The following SPATS2 variants were observed in gnomAD, a reference collection of about 807,000 sequenced individuals.
The protein encoded by SPATS2 is spermatogenesis associated serine rich 2, also known as spermatogenesis-associated serine-rich protein 2.
A neutral mutation model predicts 63.7 loss-of-function variants in SPATS2; 38 were observed. The ratio of observed to expected loss-of-function variants is 0.60; its 90% CI spans 0.46 to 0.78. The LOEUF is 0.78. Among genes scored for constraint, SPATS2 ranks in the 30% least tolerant of loss-of-function variants. The pLI is 0.00. For synonymous variants in SPATS2, 207 were observed against 232.9 expected (o/e 0.89, Z 1.01); for missense variants, 588 against 666.2 (o/e 0.88, Z 1.29).
intron 9 of SPATS2, among the ~76,000 whole-genome samples, chr12:49,507,498 GT>G (rs1443821334): frequency 2.0e-5 from 3 of 151,982 alleles, no homozygotes; most frequent in Non-Finnish European, 4.4e-5. Flanking sequence ...TCTGAATTTT[GT>G]TTTTCCTTTT....
At chr12:49,387,500 G>A (rs1190231824) in intron 2 of SPATS2, among the ~76,000 whole-genome samples, 2 of 151,884 alleles carry the variant, frequency 1.3e-5, no homozygotes, top group Admixed American at 6.6e-5. Flanking sequence ...GGCCAGGCGC[G>A]GTGATGCACT....
chr12:49,389,856 G>T (rs1944389317), intron 2 of SPATS2: 2 of 851,312 alleles, frequency 2.3e-6, no homozygotes, highest in Admixed American at 3.4e-5. Context: ...ATTGCTAATG[G>T]CTAGCAAAAA....
At chr12:49,516,207 A>G (rs1368948750) in intron 10 of SPATS2, among the ~76,000 whole-genome samples, 1 of 105,190 alleles carries the variant, frequency 9.5e-6, no homozygotes, top group East Asian at 3.1e-4. Flanking sequence ...ATATATATAT[A>G]TAAATCAGGC....
chr12:49,524,692 A>C lies in SPATS2; in HGVS notation c.1122A>C (p.Pro374=). Reference sequence around the variant, plus strand: ...ATATTTCTGTTTCAGTGTCTCATCCAAAGAACAGCTATTCGACCAGATCCC... The same window carrying C: ...ATATTTCTGTTTCAGTGTCTCATCCCAAGAACAGCTATTCGACCAGATCCC... ...SIDSFGQVSH[P]KNSYSTRSRC... The change falls in exon 13 of 14, where the codon CCA becomes CCC. Residue 374 remains proline, a synonymous_variant. Transcript: ENST00000552918. 1.9e-6 allele frequency: 3 copies of C among 1,614,234 alleles called. No homozygotes were observed. Among genetic ancestry groups the C allele is most frequent in the Non-Finnish European group, 2.5e-6 (3 of 1,180,036 alleles).
rs940783297 is a variant in SPATS2 at position 49,522,925 on chromosome 12, C to T, written c.1111+72C>T. ...TAGAGACTGACGTGCTGATTGTCTT[C>T]ACCACTGATTCCTCATTAGTGCCTC... On this transcript the variant is annotated intron_variant, in intron 12 of 13. Transcript: ENST00000552918. 4.8e-5 allele frequency: 61 copies of T among 1,282,276 alleles called. 1 individual carries two copies. The East Asian group carries it at 1.4e-3, about 30-fold the overall frequency. The allele number at this position is 1,282,276 out of a possible 1,614,324, so 79.4% of individuals were successfully genotyped here. A position where few individuals can be genotyped will look rare whatever the true frequency, so the allele number is the denominator to read the frequency against.
intron 3 of SPATS2, chr12:49,462,618 CGAA>C: frequency 1.7e-6 from 1 of 593,998 alleles, no homozygotes; most frequent in Non-Finnish European, 3.0e-6. Context: ...TGAGGTCACA[CGAA>C]TGAATTGAAG....
chr12:49,388,296 ATG>A (rs1448229537), intron 2 of SPATS2, among the ~76,000 whole-genome samples: 2 of 152,100 alleles, frequency 1.3e-5, no homozygotes, highest in Admixed American at 1.3e-4. Flanking sequence ...TTCATATTTA[ATG>A]TGATTACTGA....
intron 4 of SPATS2, chr12:49,486,157 T>C (rs1196884766): frequency 2.3e-6 from 1 of 442,390 alleles, no homozygotes; most frequent in Non-Finnish European, 4.5e-6. Flanking sequence ...ATCTTACCTT[T>C]ATCGTAGAGT....
intron 2 of SPATS2, among the ~76,000 whole-genome samples, chr12:49,439,367 TA>T (rs1332737925): frequency 6.6e-6 from 1 of 152,072 alleles, no homozygotes; most frequent in African/African-American, 2.4e-5. Context: ...TGTTTTTTCT[TA>T]AAAAACTGGC....
chr12:49,462,264 A>G (rs1945833527), intron 3 of SPATS2: 1 of 702,096 alleles, frequency 1.4e-6, no homozygotes, highest in Non-Finnish European at 2.6e-6. Flanking sequence ...GCCTCTCTCA[A>G]CTCCTCACAG....
intron 2 of SPATS2, among the ~76,000 whole-genome samples, chr12:49,459,117 T>C (rs993411042): frequency 6.6e-6 from 1 of 152,056 alleles, no homozygotes; most frequent in Non-Finnish European, 1.5e-5. Context: ...AGTTTCGTAA[T>C]TGGGAAATCA....
chr12:49,367,736 A>G (rs1943925358), intron 1 of SPATS2, 149 bp downstream of exon 1: 1 of 376,750 alleles, frequency 2.7e-6, no homozygotes, highest in Non-Finnish European at 4.6e-6. Flanking sequence ...AGAGGCCCGA[A>G]GTGCCCAGAG....
chr12:49,495,589 T>C (rs185917800), intron 7 of SPATS2, among the ~76,000 whole-genome samples: 4 of 152,196 alleles, frequency 2.6e-5, no homozygotes, highest in African/African-American at 4.8e-5. Context: ...GTTCCATTAT[T>C]GGAACGCTGA....
intron 2 of SPATS2, among the ~76,000 whole-genome samples, chr12:49,382,851 C>T (rs980192027): frequency 5.9e-5 from 9 of 151,986 alleles, no homozygotes; most frequent in African/African-American, 2.2e-4. Context: ...ATTACAGGTG[C>T]ACGCCACCAT....
intron 4 of SPATS2, among the ~76,000 whole-genome samples, chr12:49,487,075 A>C (rs1480218218): frequency 1.3e-5 from 2 of 152,212 alleles, no homozygotes. Context: ...AGAACCCTAC[A>C]GTATAATATT....
chr12:49,384,383 A>G (rs1944274513), intron 2 of SPATS2, among the ~76,000 whole-genome samples: 1 of 152,204 alleles, frequency 6.6e-6, no homozygotes, highest in African/African-American at 2.4e-5. Context: ...AACATGTATA[A>G]GTTGAAAAGT....
At chr12:49,374,647 A>G (rs1050701493) in intron 2 of SPATS2, among the ~76,000 whole-genome samples, 1 of 151,862 alleles carries the variant, frequency 6.6e-6, no homozygotes, top group African/African-American at 2.4e-5. Context: ...CCATTGTCCT[A>G]TGACTAATTT....
Position 49,376,635 on chromosome 12 carries a change from A to C in SPATS2, c.-244+5345A>C, listed in dbSNP as rs1944108504. On this transcript the variant is annotated intron_variant, in intron 2 of 13. Coordinates refer to ENST00000552918, the MANE Select transcript of SPATS2 (RefSeq NM_023071.4). ...TGGTCTTGAATTCCTGGCCTCAAGC[A>C]GTCCATTGGCTTTGGCCTCTCAAAG... Among the ~76,000 whole-genome samples, 5 of 151,038 alleles carry C rather than the reference A, an allele frequency of 3.3e-5. No individual in the cohort carries two copies. The South Asian group carries it at 1.0e-3, about 32-fold the overall frequency.
intron 11 of SPATS2, among the ~76,000 whole-genome samples, chr12:49,520,466 C>G (rs1946922521): frequency 6.6e-6 from 1 of 152,102 alleles, no homozygotes; most frequent in African/African-American, 2.4e-5. Flanking sequence ...CCCATCATAT[C>G]TCCTCATTCT....
Sources: allele counts gnomAD v4.1 joint callset (sites outside exome capture counted in the v4.1 genomes callset), GRCh38; gene constraint gnomAD v4.1.1; transcripts MANE v1.5; gene names NCBI Gene and HGNC (gene_info 2026-07-23, HGNC 2026-07-21).